DENND5B: variants seen among roughly 807,000 people sequenced by gnomAD.
DENND5B encodes the protein DENN domain-containing protein 5B.
DENND5B carries 34 observed loss-of-function variants against 140.6 expected under a neutral mutation model. The ratio of observed to expected loss-of-function variants is 0.24; its 90% CI spans 0.18 to 0.32. The LOEUF is 0.32. DENND5B is among the 10% of genes least tolerant of loss of function. The probability of loss-of-function intolerance (pLI) is 1.00; values close to 1 mark genes in which losing one functional copy is unlikely to be tolerated. For missense variants in DENND5B, 1,142 were observed against 1,560.2 expected (o/e 0.73, Z 4.52); for synonymous variants, 551 against 562.1 (o/e 0.98, Z 0.28).
At chr12:31,478,874 G>A (rs1216781127) in intron 3 of DENND5B, among the ~76,000 whole-genome samples, 2 of 152,124 alleles carry the variant, frequency 1.3e-5, no homozygotes, top group Non-Finnish European at 2.9e-5. Context: ...CTCAGCATTA[G>A]TCTTCACAAA....
intron 16 of DENND5B, 66 bp from the exon 17 acceptor site, chr12:31,398,428 C>T (rs954694513): frequency 1.1e-5 from 16 of 1,455,160 alleles, no homozygotes; most frequent in Non-Finnish European, 1.4e-5. Flanking sequence ...GCTCAGCCCC[C>T]TGAGTAGTTG....
chr12:31,468,340 G>A (rs1186817251), intron 3 of DENND5B, among the ~76,000 whole-genome samples: 1 of 152,002 alleles, frequency 6.6e-6, no homozygotes, highest in Non-Finnish European at 1.5e-5. Flanking sequence ...GCTAACACAG[G>A]ACTCAAGTGC....
intron 8 of DENND5B, among the ~76,000 whole-genome samples, chr12:31,428,728 G>A (rs1440991111): frequency 4.0e-5 from 6 of 151,582 alleles, no homozygotes; most frequent in Admixed American, 2.6e-4. Context: ...TCCCATGCCC[G>A]GCTAATTATT....
intron 1 of DENND5B, among the ~76,000 whole-genome samples, chr12:31,551,815 T>C (rs1330073733): frequency 1.3e-5 from 2 of 152,260 alleles, no homozygotes; most frequent in Admixed American, 1.3e-4. Context: ...TATTTTATTC[T>C]CTTTGAAGCA....
At position 31,480,113 on chromosome 12, in the gene DENND5B, T is replaced by C. The variant is rs755087513; in HGVS notation, c.380A>G (p.Gln127Arg). The change falls in exon 3 of 21, where the codon CAA becomes CGA. Residue 127 changes from glutamine to arginine, a missense_variant. Transcript: ENST00000389082. ...AAGTGTCTGCATTGCTGTGCAGATT[T>C]GCTTACTTGTAACTTCTTCATAAAA... ...LTFYEEVTSK[Q>R]ICTAMQTLYQ... 6.2e-7 allele frequency: 1 copy of C among 1,613,540 alleles called. No individual in the cohort carries two copies. Among genetic ancestry groups the C allele is most frequent in the South Asian group, 1.1e-5 (1 of 91,022 alleles).
chr12:31,521,945 T>C (rs1947907878), intron 1 of DENND5B, among the ~76,000 whole-genome samples: 1 of 152,190 alleles, frequency 6.6e-6, no homozygotes, highest in South Asian at 2.1e-4. Context: ...TGGATAAAAA[T>C]TCCTTAGCTT....
At chr12:31,407,161 C>T (rs1256047549) in intron 14 of DENND5B, among the ~76,000 whole-genome samples, 3 of 151,740 alleles carry the variant, frequency 2.0e-5, no homozygotes, top group South Asian at 2.1e-4. Flanking sequence ...GACGGAGTCT[C>T]GCTCTGTCGC....
intron 5 of DENND5B, among the ~76,000 whole-genome samples, chr12:31,448,135 G>C (rs1017205141): frequency 6.9e-6 from 1 of 145,762 alleles, no homozygotes. Context: ...TTGTAATTTC[G>C]TTTTTTTTTT....
At chr12:31,431,988 C>G (rs921610251) in intron 8 of DENND5B, 2 of 908,936 alleles carry the variant, frequency 2.2e-6, no homozygotes, top group Non-Finnish European at 2.6e-6. Flanking sequence ...TCAAGTAACA[C>G]CAAAGACAAG....
chr12:31,415,655 C>T (rs951696023), intron 11 of DENND5B, among the ~76,000 whole-genome samples: 12 of 152,250 alleles, frequency 7.9e-5, no homozygotes, highest in African/African-American at 2.9e-4. Context: ...ATGATCGTGG[C>T]TCACTGCAGC....
At chr12:31,390,933 T>C (rs961723511) in intron 19 of DENND5B, among the ~76,000 whole-genome samples, 1 of 151,976 alleles carries the variant, frequency 6.6e-6, no homozygotes, top group Admixed American at 6.6e-5. Context: ...GGAGAACCGC[T>C]TGAACCCAGG....
chr12:31,460,488 T>C (rs1944964544), intron 3 of DENND5B, 107 bp from the exon 4 acceptor site: 1 of 1,005,784 alleles, frequency 9.9e-7, no homozygotes, highest in African/African-American at 1.6e-5. Flanking sequence ...GCGTTAAAAG[T>C]AAATATTTCT....
chr12:31,433,686 C>T (rs949359576), intron 7 of DENND5B, among the ~76,000 whole-genome samples: 6 of 152,046 alleles, frequency 3.9e-5, no homozygotes, highest in Admixed American at 6.6e-5. Context: ...TTAATTCTAG[C>T]GTCCTAAAAG....
At chr12:31,473,859 G>C (rs763380477) in intron 3 of DENND5B, among the ~76,000 whole-genome samples, 1 of 152,230 alleles carries the variant, frequency 6.6e-6, no homozygotes, top group Non-Finnish European at 1.5e-5. Flanking sequence ...GCAAGGAAGA[G>C]ATTCTCACAT....
chr12:31,565,462 G>A (rs1283766421), intron 1 of DENND5B, among the ~76,000 whole-genome samples: 1 of 152,142 alleles, frequency 6.6e-6, no homozygotes, highest in African/African-American at 2.4e-5. Context: ...GCCTCTGGTC[G>A]CTTACACGTA....
At position 31,511,776 on chromosome 12, in the gene DENND5B, T is replaced by C. The variant is rs141839201; in HGVS notation, c.128-15857A>G. Among the ~76,000 whole-genome samples the C allele has an allele frequency of 4.0e-3, 610 of 152,258 alleles. 5 individuals are homozygous for C. The highest frequency in any genetic ancestry group is 0.014 in the African/African-American group (575 of 41,560). On this transcript the variant is annotated intron_variant, in intron 1 of 20. Coordinates refer to ENST00000389082, the MANE Select transcript of DENND5B (RefSeq NM_144973.4). ...TAAATGGATAGATGAATAAAAACTG[T>C]ACTCTTAGGTCTGAATTATATACTC...
At chr12:31,417,336 G>A (rs1942803100) in intron 11 of DENND5B, among the ~76,000 whole-genome samples, 1 of 123,156 alleles carries the variant, frequency 8.1e-6, no homozygotes. Flanking sequence ...CAGCCTGGGT[G>A]ACAGAGCAAG....
chr12:31,415,241 A>C (rs1419664102), intron 12 of DENND5B, 126 bp downstream of exon 12: 1 of 614,646 alleles, frequency 1.6e-6, no homozygotes, highest in Non-Finnish European at 2.7e-6. Context: ...ATCATAAAAA[A>C]TGCTTTCTTC....
chr12:31,563,967 A>C (rs1251409053), intron 1 of DENND5B, among the ~76,000 whole-genome samples: 1 of 152,182 alleles, frequency 6.6e-6, no homozygotes, highest in Non-Finnish European at 1.5e-5. Context: ...AAATATAAAA[A>C]TTAGCTGAGC....
Sources: allele counts gnomAD v4.1 joint callset (sites outside exome capture counted in the v4.1 genomes callset), GRCh38; gene constraint gnomAD v4.1.1; transcripts MANE v1.5; gene names NCBI Gene and HGNC (gene_info 2026-07-23, HGNC 2026-07-21).